The following SMC6 variants were observed in gnomAD, a reference collection of about 807,000 sequenced individuals.
SMC6 encodes the protein structural maintenance of chromosomes protein 6.
SMC6 carries 79 observed loss-of-function variants against 142.2 expected under a neutral mutation model. The ratio of observed to expected loss-of-function variants is 0.56; its 90% CI spans 0.46 to 0.67. The LOEUF (loss-of-function observed/expected upper bound fraction) is 0.67, where lower values mean the gene tolerates loss of function less well. Ranked by LOEUF, SMC6 falls within the 30% of genes least tolerant of loss-of-function variation. The pLI, the probability that SMC6 is intolerant of heterozygous loss-of-function variation, is 0.00. For synonymous variants in SMC6, 411 were observed against 412.4 expected, an observed-to-expected ratio of 1.00 and a Z score of 0.04; for missense variants, 1,072 against 1,284.0, an observed-to-expected ratio of 0.83 and a Z score of 2.52.
At chr2:17,688,686 G>C (rs998507489) in intron 23 of SMC6, among the ~76,000 whole-genome samples, 1 of 152,104 alleles carries the variant, frequency 6.6e-6, no homozygotes, top group Non-Finnish European at 1.5e-5. Context: ...ATTAATAACT[G>C]TAACAGTAGA....
chr2:17,667,807 GC>G (rs1666571614), intron 26 of SMC6, among the ~76,000 whole-genome samples: 2 of 152,126 alleles, frequency 1.3e-5, no homozygotes, highest in African/African-American at 4.8e-5. Context: ...CTGAAATCAC[GC>G]CACTGCACTC....
Position 17,703,275 on chromosome 2 carries a change from A to G in SMC6, c.2024T>C (p.Val675Ala). 1 of 1,601,338 alleles carries G rather than the reference A, an allele frequency of 6.2e-7. No individual in the cohort carries two copies. Among genetic ancestry groups the G allele is most frequent in the Non-Finnish European group, 8.5e-7 (1 of 1,175,774 alleles). Residue 675 changes from valine (V) to alanine (A), a missense_variant, in exon 19 of 28, where the codon GTT becomes GCT. Around this residue, in one of 3 missense-constraint regions of SMC6, gnomAD observed 994 missense variants for 1,153.2 expected, o/e 0.86. Coordinates refer to ENST00000448223, the MANE Select transcript of SMC6 (RefSeq NM_001142286.2). ...DSEISDLENE[V>A]ENKTAQILNL... ...TAATATCTGGGCCGTCTTATTTTCAACCTCATTCTCCAAGTCACTTGATAG... is the reference window on the plus strand; with the variant it reads ...TAATATCTGGGCCGTCTTATTTTCAGCCTCATTCTCCAAGTCACTTGATAG...
chr2:17,710,085 C>T (rs1572306053), intron 16 of SMC6, among the ~76,000 whole-genome samples: 1 of 152,214 alleles, frequency 6.6e-6, no homozygotes, highest in South Asian at 2.1e-4. Flanking sequence ...CCTGACTTTA[C>T]GTTGGCTGCT....
intron 4 of SMC6, among the ~76,000 whole-genome samples, chr2:17,739,879 A>ACACACAC (rs1670352154): frequency 2.6e-5 from 3 of 115,536 alleles, no homozygotes; most frequent in Non-Finnish European, 3.5e-5. Flanking sequence ...GAATATGGTA[A>ACACACAC]ACACACACAC....
chr2:17,666,925 T>C (rs1211125008), intron 26 of SMC6, among the ~76,000 whole-genome samples: 6 of 152,060 alleles, frequency 3.9e-5, no homozygotes, highest in Non-Finnish European at 7.4e-5. Context: ...AAGGGTATAG[T>C]AAGCTATGAT....
At chr2:17,748,366 G>C (rs1313062979) in intron 2 of SMC6, among the ~76,000 whole-genome samples, 1 of 152,134 alleles carries the variant, frequency 6.6e-6, no homozygotes, top group Non-Finnish European at 1.5e-5. Flanking sequence ...CTATCCTGAA[G>C]TCAATGAAGA....
In SMC6 at chr2:17,664,369, GT is replaced by G. The variant is rs1666401199; in HGVS notation, c.*1129del. ...CCACCAAAAACACAAACAAAGTCCA[GT>G]TTTCCTCAATAACTAGAGAACAGTC... On this transcript the variant is annotated 3_prime_UTR_variant, in exon 28 of 28. Transcript: ENST00000448223. The G allele has an allele frequency of 1.3e-5, 2 of 152,226 alleles. No homozygotes were observed. Among genetic ancestry groups the G allele is most frequent in the African/African-American group, 4.8e-5 (2 of 41,560 alleles). The allele number at this position is 152,226 out of a possible 1,614,324, so 9.4% of individuals were successfully genotyped here. A position where few individuals can be genotyped will look rare whatever the true frequency, so the allele number is the denominator to read the frequency against.
intron 9 of SMC6, among the ~76,000 whole-genome samples, chr2:17,724,236 G>GT (rs1175869187): frequency 6.6e-6 from 1 of 152,110 alleles, no homozygotes; most frequent in African/African-American, 2.4e-5. Flanking sequence ...GTGGTTTATA[G>GT]TAACTCCTTA....
intron 5 of SMC6, among the ~76,000 whole-genome samples, chr2:17,734,277 C>T (rs2125053209): frequency 6.6e-6 from 1 of 152,316 alleles, no homozygotes; most frequent in African/African-American, 2.4e-5. Context: ...GAATATATAT[C>T]CCTGCATCTT....
chr2:17,739,726 T>C (rs970654785), intron 4 of SMC6, among the ~76,000 whole-genome samples: 6 of 151,978 alleles, frequency 3.9e-5, no homozygotes, highest in Admixed American at 1.3e-4. Flanking sequence ...GGCGAGAGGA[T>C]AGCTTGAGCC....
At chr2:17,719,760 A>G (rs1163762646) in intron 11 of SMC6, among the ~76,000 whole-genome samples, 1 of 152,190 alleles carries the variant, frequency 6.6e-6, no homozygotes, top group African/African-American at 2.4e-5. Flanking sequence ...CTGAAGAGGG[A>G]GTAAGAAACT....
intron 18 of SMC6, among the ~76,000 whole-genome samples, chr2:17,706,579 A>C (rs1668523003): frequency 6.6e-6 from 1 of 151,970 alleles, no homozygotes; most frequent in Non-Finnish European, 1.5e-5. Context: ...TCTTCTACTG[A>C]AGATCTTCTA....
intron 5 of SMC6, among the ~76,000 whole-genome samples, chr2:17,735,553 T>C (rs1006638771): frequency 6.6e-6 from 1 of 152,148 alleles, no homozygotes; most frequent in Non-Finnish European, 1.5e-5. Flanking sequence ...ACAGCTGATG[T>C]CAAAAATTAG....
chr2:17,690,438 C>CA (rs1357365022), intron 23 of SMC6, among the ~76,000 whole-genome samples: 1 of 151,806 alleles, frequency 6.6e-6, no homozygotes, highest in African/African-American at 2.4e-5. Flanking sequence ...ACTAAAAGTA[C>CA]AAAAAATTAG....
At position 17,664,826 on chromosome 2, in the gene SMC6, AGG is replaced by A. The variant is rs1385348293; in HGVS notation, c.*671_*672del. ...CCTCTAGCCTGTGTCCTCTCAGCTGAGGACAAGCCTGAACAGTCCCTGGACTG... is the reference window on the plus strand; with the variant it reads ...CCTCTAGCCTGTGTCCTCTCAGCTGAACAAGCCTGAACAGTCCCTGGACTG... On this transcript the variant is annotated 3_prime_UTR_variant, in exon 28 of 28. Coordinates refer to ENST00000448223, the MANE Select transcript of SMC6 (RefSeq NM_001142286.2). 6.6e-6 allele frequency: 1 copy of A among 152,254 alleles called. No homozygotes were observed. Among genetic ancestry groups the A allele is most frequent in the Non-Finnish European group, 1.5e-5 (1 of 68,094 alleles). 9.4% of individuals were successfully genotyped at this position (152,254 alleles called of 1,614,324 possible). A position where few individuals can be genotyped will look rare whatever the true frequency, so the allele number is the denominator to read the frequency against.
chr2:17,687,480 A>C (rs1667510185), intron 23 of SMC6, among the ~76,000 whole-genome samples: 1 of 152,176 alleles, frequency 6.6e-6, no homozygotes, highest in African/African-American at 2.4e-5. Flanking sequence ...CTTCAGGTAC[A>C]TTGGTGAATG....
chr2:17,686,346 G>A (rs773539632), intron 23 of SMC6, among the ~76,000 whole-genome samples: 17 of 152,130 alleles, frequency 1.1e-4, no homozygotes, highest in Non-Finnish European at 1.8e-4. Context: ...GCTGGGCATG[G>A]TGGCAGGTGC....
rs972629925 is a variant in SMC6, at chr2:17,683,880, C to T, written c.2679-117G>A. 21 of 863,468 alleles carry T rather than the reference C, an allele frequency of 2.4e-5. No homozygotes were observed. In the African/African-American group the frequency reaches 3.6e-4, roughly 15 times the overall value. The allele number at this position is 863,468 out of a possible 1,614,324, so 53.5% of individuals were successfully genotyped here. A position where few individuals can be genotyped will look rare whatever the true frequency, so the allele number is the denominator to read the frequency against. On this transcript the variant is annotated intron_variant, in intron 23 of 27. Coordinates refer to ENST00000448223, the MANE Select transcript of SMC6 (RefSeq NM_001142286.2). The stretch of plus-strand genomic sequence containing the variant: ...GGAGGGGCAGAGAGTACTAAGGGGG[C>T]CTAGTAGCAGTCAATTTCATAAATT...
intron 9 of SMC6, among the ~76,000 whole-genome samples, chr2:17,724,635 T>G (rs1370942023): frequency 1.3e-5 from 2 of 152,158 alleles, no homozygotes; most frequent in African/African-American, 4.8e-5. Flanking sequence ...CTGAAGAAAG[T>G]ATAAGAACAA....
Sources: gnomAD v4.1 joint callset for allele counts (sites outside exome capture counted in the v4.1 genomes callset) on GRCh38, gnomAD v4.1.1 for gene constraint, gnomAD v4.1.1 regional missense constraint, MANE v1.5 for transcripts, NCBI Gene and HGNC (gene_info 2026-07-23, HGNC 2026-07-21) for gene names.